The following NUP133 variants were observed in gnomAD, a reference collection of about 807,000 sequenced individuals.
NUP133 encodes the protein nucleoporin 133, also known as nuclear pore complex protein Nup133.
In NUP133, 66 loss-of-function variants were observed where a neutral mutation model predicts 146.2. The ratio of observed to expected loss-of-function variants is 0.45; its 90% CI spans 0.37 to 0.55. NUP133 has a LOEUF of 0.55. NUP133 is among the 20% of genes least tolerant of loss of function. The pLI, the probability that NUP133 is intolerant of heterozygous loss-of-function variation, is 0.00. For synonymous variants in NUP133, 521 were observed against 498.8 expected, an observed-to-expected ratio of 1.04 and a Z score of -0.59; for missense variants, 1,277 against 1,374.8, an observed-to-expected ratio of 0.93 and a Z score of 1.12.
At chr1:229,450,789 G>A (rs559217713) in intron 22 of NUP133, 184 bp from the exon 23 acceptor site, 22 of 313,820 alleles carry the variant, frequency 7.0e-5, no homozygotes, top group African/African-American at 2.6e-4. Context: ...GCAGTGGCAC[G>A]ATCTCAGCTC....
At chr1:229,499,377 A>G (rs1354268115) in intron 5 of NUP133, among the ~76,000 whole-genome samples, 1 of 152,126 alleles carries the variant, frequency 6.6e-6, no homozygotes, top group Non-Finnish European at 1.5e-5. Context: ...TAACTGTTCA[A>G]ATCATAGATC....
At position 229,484,266 on chromosome 1, in the gene NUP133, T is replaced by G. The variant is rs1452409413; in HGVS notation, c.1501-121A>C. On this transcript the variant is annotated intron_variant, in intron 11 of 25. Transcript: ENST00000261396. Reference sequence around the variant, plus strand: ...CATATACACGAGCTGTTTGCCGTATTGTCTGTACCAGGGGTGTCCAATCTT... The same window carrying G: ...CATATACACGAGCTGTTTGCCGTATGGTCTGTACCAGGGGTGTCCAATCTT... The G allele has an allele frequency of 7.9e-6, 5 of 630,104 alleles. No homozygotes were observed. In the East Asian group the frequency reaches 1.4e-4, roughly 18 times the overall value. 39.0% of individuals were successfully genotyped at this position (630,104 alleles called of 1,614,324 possible).
At chr1:229,458,649 G>A (rs938345415) in intron 20 of NUP133, among the ~76,000 whole-genome samples, 39 of 151,012 alleles carry the variant, frequency 2.6e-4, no homozygotes, top group African/African-American at 8.8e-4. Context: ...GCCAATGACT[G>A]TTACAGACAC....
Position 229,463,556 on chromosome 1 carries a change from T to A in NUP133, c.2672A>T (p.Gln891Leu). The A allele has an allele frequency of 1.2e-6, 2 of 1,613,666 alleles. No homozygotes were observed. The highest frequency in any genetic ancestry group is 2.7e-5 in the African/African-American group (2 of 74,922). ...NQSRLQRYMT[Q>L]FADQNFSDFL... The stretch of plus-strand genomic sequence containing the variant: ...AACACTCATCACCTGATCAGCAAAC[T>A]GGGTCATGTAGCGCTGGAGTCGGCT... The change falls in exon 19 of 26, where the codon CAG (glutamine) becomes CTG (leucine). Residue 891 changes from glutamine (Q) to leucine (L), a missense_variant. Gln to Leu is a moderately radical substitution (Grantham distance 113). Coordinates refer to ENST00000261396, the MANE Select transcript of NUP133 (RefSeq NM_018230.3).
chr1:229,479,889 G>A (rs1251750785), intron 12 of NUP133, among the ~76,000 whole-genome samples: 2 of 152,184 alleles, frequency 1.3e-5, no homozygotes, highest in Non-Finnish European at 2.9e-5. Flanking sequence ...GGAACAAACA[G>A]ATAAGGTGGT....
At position 229,506,109 on chromosome 1, in the gene NUP133, TCA is replaced by T. The variant is rs1661928663; in HGVS notation, c.230_231del (p.Val77GlufsTer3). ...MFPHHSITES[V>X]NYDVKTFGSS... is the part of the protein sequence containing the mutation. Reference sequence around the variant, plus strand: ...GATCCAAACGTTTTCACATCATAGTTCACAGACTCAGTTATGGAGTGGTGTGG... The same window carrying T: ...GATCCAAACGTTTTCACATCATAGTTCAGACTCAGTTATGGAGTGGTGTGG... On this transcript the variant is annotated frameshift_variant, in exon 2 of 26. Coordinates refer to ENST00000261396, the MANE Select transcript of NUP133 (RefSeq NM_018230.3). LOFTEE classifies it high-confidence loss of function. The T allele has an allele frequency of 1.6e-5, 26 of 1,613,566 alleles. No homozygotes were observed. The highest frequency in any genetic ancestry group is 2.1e-5 in the Non-Finnish European group (25 of 1,179,686).
At chr1:229,506,802 G>C (rs898233069) in intron 1 of NUP133, among the ~76,000 whole-genome samples, 5 of 138,760 alleles carry the variant, frequency 3.6e-5, no homozygotes, top group Admixed American at 7.7e-5. Flanking sequence ...GGGCGACAGA[G>C]AGTGAGACCC....
chr1:229,490,010 C>G lies in NUP133; in HGVS notation c.1139G>C (p.Cys380Ser). Residue 380 changes from cysteine (C) to serine (S), a missense_variant, in exon 9 of 26, where the codon TGC (cysteine) becomes TCC (serine). Physicochemically the swap from Cys to Ser is moderately radical, Grantham distance 112 (BLOSUM62 -1). Transcript: ENST00000261396. Reference protein sequence around the residue: ...YSLITIEDNGCQMSDAVTVEV... With the variant: ...YSLITIEDNGSQMSDAVTVEV... ...TACAGTAACTGCATCTGACATTTGG[C>G]AACCATTATCTTCTATTGTTATCAG... 1 of 1,611,282 alleles carries G rather than the reference C, an allele frequency of 6.2e-7. No homozygotes were observed. Among genetic ancestry groups the G allele is most frequent in the Non-Finnish European group, 8.5e-7 (1 of 1,178,248 alleles).
rs1558109230 is a variant in NUP133 at position 229,500,874 on chromosome 1, A to G, written c.406-11T>C. ...TTTGCAAACGGATAACTGTAGAACA[A>G]ACCCAAACAGAAAATCTTTCACATC... On this transcript the variant is annotated splice_polypyrimidine_tract_variant and intron_variant, in intron 3 of 25. Transcript: ENST00000261396. The G allele has an allele frequency of 1.3e-6, 2 of 1,563,794 alleles. No homozygotes were observed. Among genetic ancestry groups the G allele is most frequent in the Admixed American group, 3.5e-5 (2 of 57,770 alleles).
chr1:229,464,811 CACCTT>C lies in NUP133; in HGVS notation c.2359_2363del (p.Lys787GlyfsTer33), dbSNP rs1385686049. ...GGTTGCTGTCTGCCTGTGGATAAGC[CACCTT>C]CAGGACAATCTCATGCTGGCGTATT... On this transcript the variant is annotated frameshift_variant, in exon 18 of 26. Coordinates refer to ENST00000261396, the MANE Select transcript of NUP133 (RefSeq NM_018230.3). LOFTEE classifies it high-confidence loss of function. The C allele has an allele frequency of 6.2e-7, 1 of 1,614,200 alleles. No homozygotes were observed. Among genetic ancestry groups the C allele is most frequent in the Admixed American group, 1.7e-5 (1 of 60,022 alleles).
intron 12 of NUP133, among the ~76,000 whole-genome samples, chr1:229,478,955 A>C (rs552896032): frequency 6.6e-6 from 1 of 152,280 alleles, no homozygotes; most frequent in Admixed American, 6.5e-5. Context: ...AAAGAGAAAA[A>C]TCCAGTTAGG....
At chr1:229,487,723 T>C in intron 9 of NUP133, 110 bp from the exon 10 acceptor site, 1 of 872,036 alleles carries the variant, frequency 1.1e-6, no homozygotes, top group Admixed American at 3.0e-5. Flanking sequence ...TCACCAATTC[T>C]CTTTGTAAAA....
At chr1:229,496,485 AC>A (rs1661659690) in intron 6 of NUP133, among the ~76,000 whole-genome samples, 2 of 152,116 alleles carry the variant, frequency 1.3e-5, no homozygotes, top group Middle Eastern at 3.2e-3. Context: ...AAACAAACAA[AC>A]AAAACAAACC....
rs1283218660 is a variant in NUP133 at position 229,460,085 on chromosome 1, T to A, written c.2844+526A>T. ...AATGTACGGTGATGTCTCATTGTGATATAAATTTGCATTTCCCTAATGATG... is the reference window on the plus strand; with the variant it reads ...AATGTACGGTGATGTCTCATTGTGAAATAAATTTGCATTTCCCTAATGATG... On this transcript the variant is annotated intron_variant, in intron 20 of 25. Coordinates refer to ENST00000261396, the MANE Select transcript of NUP133 (RefSeq NM_018230.3). 2.0e-5 allele frequency among the ~76,000 whole-genome samples: 3 copies of A among 152,246 alleles called. No individual in the cohort carries two copies. In the South Asian group the frequency reaches 6.2e-4, roughly 32 times the overall value.
intron 12 of NUP133, among the ~76,000 whole-genome samples, chr1:229,479,445 C>A (rs1212573710): frequency 6.6e-6 from 1 of 152,164 alleles, no homozygotes; most frequent in Non-Finnish European, 1.5e-5. Context: ...ATAAATTAAA[C>A]TTCATCATAG....
chr1:229,508,303 C>T lies in NUP133; in HGVS notation c.-54G>A, dbSNP rs1294033564. 3.0e-6 allele frequency: 4 copies of T among 1,326,234 alleles called. No individual in the cohort carries two copies. The highest frequency in any genetic ancestry group is 3.1e-5 in the East Asian group (1 of 32,644). The allele number at this position is 1,326,234 out of a possible 1,614,324, so 82.2% of individuals were successfully genotyped here. A position where few individuals can be genotyped will look rare whatever the true frequency, so the allele number is the denominator to read the frequency against. On this transcript the variant is annotated 5_prime_UTR_variant, in exon 1 of 26. Coordinates refer to ENST00000261396, the MANE Select transcript of NUP133 (RefSeq NM_018230.3). ...GAGGGATCTGGCCGTCAGGTTGCAGCCTGGCCTGCGCGCGGAACTTAAACA... is the reference window on the plus strand; with the variant it reads ...GAGGGATCTGGCCGTCAGGTTGCAGTCTGGCCTGCGCGCGGAACTTAAACA...
At chr1:229,474,593 C>T (rs1278433703) in intron 14 of NUP133, among the ~76,000 whole-genome samples, 2 of 152,096 alleles carry the variant, frequency 1.3e-5, no homozygotes, top group African/African-American at 2.4e-5. Context: ...TCCACAGTGG[C>T]TATTTAAGTA....
At chr1:229,490,370 T>A (rs1343053999) in intron 8 of NUP133, among the ~76,000 whole-genome samples, 1 of 149,104 alleles carries the variant, frequency 6.7e-6, no homozygotes, top group Non-Finnish European at 1.5e-5. Context: ...CAAACTGTGG[T>A]ATATCCATAC....
At chr1:229,493,899 G>A (rs1470729787) in intron 8 of NUP133, among the ~76,000 whole-genome samples, 1 of 152,216 alleles carries the variant, frequency 6.6e-6, no homozygotes. Context: ...TTGGGAGGCT[G>A]AGGTGGGCAG....
Sources: allele counts gnomAD v4.1 joint callset (sites outside exome capture counted in the v4.1 genomes callset), GRCh38; gene constraint gnomAD v4.1.1; transcripts MANE v1.5; gene names NCBI Gene and HGNC (gene_info 2026-07-23, HGNC 2026-07-21).